Variants in VWA8 observed in about 807,000 individuals in gnomAD.
VWA8 encodes the protein von Willebrand factor A domain-containing protein 8.
Under a neutral mutation model 241.5 loss-of-function variants are expected in VWA8, and 221 were observed. The ratio of observed to expected loss-of-function variants is 0.91; its 90% CI spans 0.82 to 1.02. VWA8 has a LOEUF of 1.02. VWA8 is among the 50% of genes least tolerant of loss of function. The pLI is 0.00. For synonymous variants in VWA8, 852 were observed against 827.1 expected (o/e 1.03, Z -0.52); for missense variants, 2,322 against 2,328.7 (o/e 1.00, Z 0.06).
chr13:41,576,785 C>G (rs1185730653), intron 42 of VWA8, among the ~76,000 whole-genome samples: 1 of 152,240 alleles, frequency 6.6e-6, no homozygotes, highest in Non-Finnish European at 1.5e-5. Context: ...AAGCCAGGGC[C>G]AAATTTCAAA....
intron 4 of VWA8, among the ~76,000 whole-genome samples, chr13:41,893,658 G>A (rs1874959489): frequency 6.6e-6 from 1 of 152,138 alleles, no homozygotes; most frequent in Non-Finnish European, 1.5e-5. Flanking sequence ...GGCTGAGGAG[G>A]GTGGATCACA....
chr13:41,615,941 A>T (rs1457329916), intron 37 of VWA8, among the ~76,000 whole-genome samples: 2 of 152,248 alleles, frequency 1.3e-5, no homozygotes, highest in Admixed American at 1.3e-4. Context: ...TTCCCAGAAG[A>T]CAAGATCAAA....
chr13:41,872,443 T>G (rs1873675995), intron 9 of VWA8, among the ~76,000 whole-genome samples: 2 of 152,254 alleles, frequency 1.3e-5, no homozygotes. Flanking sequence ...GTTTTAGGTC[T>G]AACGTTTAAG....
chr13:41,847,392 T>A (rs1187975136), intron 12 of VWA8, among the ~76,000 whole-genome samples: 1 of 152,186 alleles, frequency 6.6e-6, no homozygotes, highest in Non-Finnish European at 1.5e-5. Flanking sequence ...AGAGGCCACG[T>A]GAAGATCAGG....
At chr13:41,815,289 G>A (rs1017665538) in intron 16 of VWA8, among the ~76,000 whole-genome samples, 4 of 152,244 alleles carry the variant, frequency 2.6e-5, no homozygotes, top group African/African-American at 9.6e-5. Flanking sequence ...GAGGGGACCT[G>A]TGACAGCCAG....
intron 4 of VWA8, among the ~76,000 whole-genome samples, chr13:41,903,579 T>A (rs1375939219): frequency 6.6e-6 from 1 of 151,868 alleles, no homozygotes; most frequent in Non-Finnish European, 1.5e-5. Context: ...ATAACCTGAA[T>A]TACAAGGAGG....
At chr13:41,727,050 T>A in intron 24 of VWA8, 144 bp downstream of exon 24, 1 of 701,140 alleles carries the variant, frequency 1.4e-6, no homozygotes. Flanking sequence ...TTTTCTTCAC[T>A]AAAAGGGGGA....
At chr13:41,932,615 G>T (rs1023745233) in intron 2 of VWA8, among the ~76,000 whole-genome samples, 4 of 151,534 alleles carry the variant, frequency 2.6e-5, no homozygotes, top group Admixed American at 2.6e-4. Context: ...TTACCAAGAG[G>T]GTCTTATCCC....
chr13:41,748,633 T>C (rs1205563713), intron 21 of VWA8, among the ~76,000 whole-genome samples: 1 of 152,110 alleles, frequency 6.6e-6, no homozygotes, highest in Non-Finnish European at 1.5e-5. Flanking sequence ...ATTTCTTGCC[T>C]TCTGATGGTA....
intron 37 of VWA8, among the ~76,000 whole-genome samples, chr13:41,634,884 T>C (rs2044747205): frequency 6.6e-6 from 1 of 152,204 alleles, no homozygotes; most frequent in Non-Finnish European, 1.5e-5. Flanking sequence ...TTCAAATTGG[T>C]TCACTAAGAT....
intron 17 of VWA8, among the ~76,000 whole-genome samples, chr13:41,800,786 C>T (rs926075240): frequency 7.0e-6 from 1 of 142,330 alleles, no homozygotes; most frequent in African/African-American, 2.5e-5. Flanking sequence ...GAGCGAGACT[C>T]CATCTCCAAA....
chr13:41,605,743 C>G (rs76561032), intron 39 of VWA8, among the ~76,000 whole-genome samples: 1,957 of 152,196 alleles, frequency 0.013, 13 homozygotes, highest in Non-Finnish European at 0.018. Context: ...AGATCGAGAT[C>G]ATGTATTTGG....
At chr13:41,951,598 G>A (rs925528532) in intron 1 of VWA8, among the ~76,000 whole-genome samples, 1 of 152,102 alleles carries the variant, frequency 6.6e-6, no homozygotes, top group African/African-American at 2.4e-5. Flanking sequence ...CAGCAAAATA[G>A]GCATGGTGAT....
intron 16 of VWA8, 51 bp downstream of exon 16, chr13:41,816,647 A>G (rs780193830): frequency 2.9e-5 from 44 of 1,525,130 alleles, no homozygotes; most frequent in Non-Finnish European, 3.9e-5. Flanking sequence ...AGAAAAGAAA[A>G]CCAGCAGCAT....
chr13:41,799,510 G>T (rs1323297427), intron 17 of VWA8, among the ~76,000 whole-genome samples: 1 of 152,108 alleles, frequency 6.6e-6, no homozygotes, highest in Admixed American at 6.6e-5. Flanking sequence ...CTCTGGGCTT[G>T]TGGGCAAACA....
At chr13:41,943,171 C>T (rs1877680591) in intron 2 of VWA8, among the ~76,000 whole-genome samples, 1 of 152,160 alleles carries the variant, frequency 6.6e-6, no homozygotes, top group Non-Finnish European at 1.5e-5. Flanking sequence ...TAGTCAAAAG[C>T]TGTTTCCTTG....
rs762377128 is a variant in VWA8 at position 41,819,406 on chromosome 13, G to GA, written c.1701-21dup. On this transcript the variant is annotated intron_variant, in intron 14 of 44. Coordinates refer to ENST00000379310, the MANE Select transcript of VWA8 (RefSeq NM_015058.2). The stretch of plus-strand genomic sequence containing the variant: ...ATGGATCTAAAATAGGAAAAAAAAT[G>GA]AAAAAAAATAACATATCTTTCATGT... The GA allele has an allele frequency of 3.9e-5, 62 of 1,580,762 alleles. No homozygotes were observed. Among genetic ancestry groups the GA allele is most frequent in the African/African-American group, 1.7e-4 (12 of 72,180 alleles).
intron 29 of VWA8, among the ~76,000 whole-genome samples, chr13:41,695,001 A>G (rs1292023515): frequency 1.3e-5 from 2 of 152,126 alleles, no homozygotes; most frequent in African/African-American, 4.8e-5. Context: ...ATCCTTTTAG[A>G]TGTTAATGGT....
At chr13:41,863,628 A>G (rs1805486717) in intron 12 of VWA8, among the ~76,000 whole-genome samples, 1 of 151,758 alleles carries the variant, frequency 6.6e-6, no homozygotes, top group Non-Finnish European at 1.5e-5. Context: ...TACACTATGG[A>G]AAACCATGCA....
Sources: gnomAD v4.1 joint callset for allele counts (sites outside exome capture counted in the v4.1 genomes callset) on GRCh38, gnomAD v4.1.1 for gene constraint, MANE v1.5 for transcripts, NCBI Gene and HGNC (gene_info 2026-07-23, HGNC 2026-07-21) for gene names.